The following SORCS1 variants were observed in gnomAD, a reference collection of about 807,000 sequenced individuals.
SORCS1 encodes VPS10 domain-containing receptor SorCS1.
In SORCS1, 60 loss-of-function variants were observed where a neutral mutation model predicts 146.1. That is an observed-to-expected ratio of 0.41 (90% CI 0.33 to 0.51). The LOEUF (loss-of-function observed/expected upper bound fraction) is 0.51. SORCS1 is among the 20% of genes least tolerant of loss of function. The pLI is 0.21. For synonymous variants in SORCS1, 637 were observed against 584.0 expected (o/e 1.09, Z -1.31); for missense variants, 1,352 against 1,487.6 (o/e 0.91, Z 1.50).
chr10:106,627,865 AG>A, intron 19 of SORCS1, among the ~76,000 whole-genome samples: 1 of 152,338 alleles, frequency 6.6e-6, no homozygotes, highest in African/African-American at 2.4e-5. Context: ...TCCTTGCGGC[AG>A]GTGGACCTGA....
At chr10:106,614,605 A>C (rs1847229491) in intron 21 of SORCS1, among the ~76,000 whole-genome samples, 1 of 67,490 alleles carries the variant, frequency 1.5e-5, no homozygotes, top group Admixed American at 2.0e-4. Context: ...TGAAGATTTA[A>C]GTTTATGTCA....
Position 106,679,752 on chromosome 10 carries a change from A to G in SORCS1, c.1561-18T>C. On this transcript the variant is annotated intron_variant, in intron 10 of 25. Transcript: ENST00000263054. ...CAATAGGGCTGAAAAGAGAAATAATAAGTGCCACAAAATCACATAATCAAA... is the reference window on the plus strand; with the variant it reads ...CAATAGGGCTGAAAAGAGAAATAATGAGTGCCACAAAATCACATAATCAAA... 10 of 1,567,324 alleles carry G rather than the reference A, an allele frequency of 6.4e-6. No homozygotes were observed. The highest frequency in any genetic ancestry group is 8.7e-6 in the Non-Finnish European group (10 of 1,143,508).
chr10:106,828,085 C>T (rs141809976), intron 3 of SORCS1, among the ~76,000 whole-genome samples: 250 of 152,326 alleles, frequency 1.6e-3, no homozygotes, highest in African/African-American at 5.6e-3. Context: ...ATCCTTACAA[C>T]TTCCCACACG....
chr10:107,164,767 T>G (rs1969987630), upstream of SORCS1, among the ~76,000 whole-genome samples: 1 of 148,808 alleles, frequency 6.7e-6, no homozygotes, highest in Non-Finnish European at 1.5e-5. This position sits in a 1 kb window ranked among gnomAD's most constrained non-coding sequence, Gnocchi z 6.8. Flanking sequence ...TGAGCTGAAG[T>G]CACTGGCGGA....
chr10:106,675,626 T>C (rs821933), intron 13 of SORCS1, among the ~76,000 whole-genome samples: 132,045 of 152,138 alleles, frequency 0.87, 58,184 homozygotes, highest in Non-Finnish European at 0.96. Flanking sequence ...TTGACCTTAC[T>C]GAATGAATGA....
intron 2 of SORCS1, among the ~76,000 whole-genome samples, chr10:106,836,414 G>C (rs1446753623): frequency 6.7e-6 from 1 of 149,532 alleles, no homozygotes; most frequent in Non-Finnish European, 1.5e-5. Flanking sequence ...GCGGAGCTTT[G>C]CAGTGAGCCG....
chr10:106,997,189 A>T (rs1319743848), intron 1 of SORCS1, among the ~76,000 whole-genome samples: 1 of 152,140 alleles, frequency 6.6e-6, no homozygotes, highest in Non-Finnish European at 1.5e-5. Context: ...AGAACCATCC[A>T]TTACTTACCT....
chr10:107,084,450 G>A (rs1416021249), intron 1 of SORCS1, among the ~76,000 whole-genome samples: 1 of 151,920 alleles, frequency 6.6e-6, no homozygotes, highest in Non-Finnish European at 1.5e-5. Context: ...CTCAGTCTCA[G>A]AAGACAAATC....
intron 21 of SORCS1, 61 bp downstream of exon 21, chr10:106,618,088 G>A: frequency 6.2e-7 from 1 of 1,600,636 alleles, no homozygotes; most frequent in South Asian, 1.1e-5. Context: ...TGGCATCATG[G>A]CACAAGAGAA....
chr10:107,064,394 G>A (rs184101373), intron 1 of SORCS1, among the ~76,000 whole-genome samples: 7 of 152,218 alleles, frequency 4.6e-5, no homozygotes, highest in East Asian at 1.9e-4. Flanking sequence ...TTTCCTACCC[G>A]GGGGAAATGG....
At chr10:106,606,296 C>G (rs61867034) in intron 23 of SORCS1, among the ~76,000 whole-genome samples, 1 of 55,304 alleles carries the variant, frequency 1.8e-5, no homozygotes, top group Non-Finnish European at 8.2e-5. Flanking sequence ...CACACACACA[C>G]ACACACACAC....
rs182780713 is a variant in SORCS1, at chr10:107,020,263, T to C, written c.559-63683A>G. On this transcript the variant is annotated intron_variant, in intron 1 of 25. Transcript: ENST00000263054. ...CTTAAAATAAAAATGTTCCTTTCTT[T>C]AGAATTGCATGTAGTAAATAGACTG... Among the ~76,000 whole-genome samples the C allele has an allele frequency of 5.9e-5, 9 of 152,340 alleles. No individual in the cohort carries two copies. In the East Asian group the frequency reaches 1.5e-3, roughly 26 times the overall value.
intron 1 of SORCS1, among the ~76,000 whole-genome samples, chr10:106,998,433 G>A (rs1957086328): frequency 1.3e-5 from 2 of 152,122 alleles, no homozygotes; most frequent in Non-Finnish European, 2.9e-5. Flanking sequence ...TTTTTGCAAG[G>A]AGACCTAGGT....
chr10:107,083,379 A>G (rs1160706726), intron 1 of SORCS1, among the ~76,000 whole-genome samples: 4 of 151,940 alleles, frequency 2.6e-5, no homozygotes, highest in Admixed American at 6.6e-5. Flanking sequence ...GTTGTGTTTT[A>G]TTTCAATTTT....
intron 2 of SORCS1, among the ~76,000 whole-genome samples, chr10:106,837,391 T>A (rs1194170658): frequency 1.3e-5 from 2 of 152,044 alleles, no homozygotes; most frequent in African/African-American, 4.8e-5. Flanking sequence ...ATGTTAAAGA[T>A]ACCCTGTATT....
At chr10:106,578,558 C>T in intron 25 of SORCS1, 1 of 608,944 alleles carries the variant, frequency 1.6e-6, no homozygotes, top group Non-Finnish European at 2.0e-6. Context: ...TCCTAGACTA[C>T]CAATAGATGT....
At chr10:106,606,112 G>A (rs1247768424) in intron 23 of SORCS1, among the ~76,000 whole-genome samples, 1 of 152,052 alleles carries the variant, frequency 6.6e-6, no homozygotes. Flanking sequence ...ACTAGGCCAA[G>A]GCTGATCATT....
At chr10:106,674,181 T>C (rs1422437821) in intron 14 of SORCS1, among the ~76,000 whole-genome samples, 1 of 147,090 alleles carries the variant, frequency 6.8e-6, no homozygotes, top group Non-Finnish European at 1.5e-5. Context: ...ATAAAAAAAT[T>C]ACCCGGGCGT....
intron 3 of SORCS1, among the ~76,000 whole-genome samples, chr10:106,815,905 G>C (rs527283597): frequency 1.3e-5 from 2 of 152,338 alleles, no homozygotes; most frequent in Non-Finnish European, 2.9e-5. Flanking sequence ...AGTTCTTTCT[G>C]TCAAGCTTTA....
Sources: allele counts gnomAD v4.1 joint callset (sites outside exome capture counted in the v4.1 genomes callset), GRCh38; gene constraint gnomAD v4.1.1; non-coding constraint Gnocchi (gnomAD v3.1); transcripts MANE v1.5; gene names NCBI Gene and HGNC (gene_info 2026-07-23, HGNC 2026-07-21).